Variants in CTNND2 observed in about 807,000 individuals in gnomAD.
CTNND2 encodes the protein catenin delta 2, also known as catenin delta-2.
In CTNND2, 22 loss-of-function variants were observed where a neutral mutation model predicts 144.4. The ratio of observed to expected loss-of-function variants is 0.15; its 90% CI spans 0.11 to 0.22. CTNND2 has a LOEUF of 0.22. Ranked by LOEUF, CTNND2 falls within the 10% of genes least tolerant of loss-of-function variation. The probability of loss-of-function intolerance (pLI) is 1.00; values close to 1 mark genes in which losing one functional copy is unlikely to be tolerated. For synonymous variants in CTNND2, 751 were observed against 695.6 expected (o/e 1.08, Z -1.25); for missense variants, 1,353 against 1,618.8 (o/e 0.84, Z 2.82).
intron 18 of CTNND2, among the ~76,000 whole-genome samples, chr5:11,004,592 T>C (rs1740285786): frequency 6.6e-6 from 1 of 152,002 alleles, no homozygotes. Context: ...GGAGAAACCC[T>C]GTCTCTACTA....
At chr5:11,634,131 A>G (rs912832019) in intron 2 of CTNND2, among the ~76,000 whole-genome samples, 6 of 152,168 alleles carry the variant, frequency 3.9e-5, no homozygotes, top group African/African-American at 1.2e-4. Flanking sequence ...TTTGGCCACA[A>G]TCAGTCAAGT....
chr5:11,065,313 T>C (rs1051228489), intron 16 of CTNND2, among the ~76,000 whole-genome samples: 1 of 152,270 alleles, frequency 6.6e-6, no homozygotes, highest in Non-Finnish European at 1.5e-5. Flanking sequence ...TACTTAGTTA[T>C]GCAATGCTCA....
chr5:11,586,626 A>G (rs1778881128), intron 2 of CTNND2, among the ~76,000 whole-genome samples: 1 of 152,236 alleles, frequency 6.6e-6, no homozygotes, highest in Admixed American at 6.5e-5. Flanking sequence ...TAAGAGTTGA[A>G]CCACATCTGG....
intron 2 of CTNND2, among the ~76,000 whole-genome samples, chr5:11,603,082 G>A (rs1779884488): frequency 6.6e-6 from 1 of 152,112 alleles, no homozygotes; most frequent in Admixed American, 6.6e-5. Flanking sequence ...GAGGCATTTA[G>A]GAGAGGGTAC....
At chr5:11,774,419 A>T (rs1244542661) in intron 1 of CTNND2, among the ~76,000 whole-genome samples, 1 of 71,974 alleles carries the variant, frequency 1.4e-5, no homozygotes, top group Non-Finnish European at 2.6e-5. Context: ...GGGAGGGGGG[A>T]GGGATAGCAC....
chr5:11,482,832 G>A (rs115751274), intron 3 of CTNND2, among the ~76,000 whole-genome samples: 2,136 of 152,228 alleles, frequency 0.014, 50 homozygotes, highest in African/African-American at 0.049. Context: ...GGAGACCAAG[G>A]GGCTGGTGCA....
At chr5:11,159,038 T>C (rs61753304) in intron 12 of CTNND2, among the ~76,000 whole-genome samples, 153 of 152,308 alleles carry the variant, frequency 1.0e-3, no homozygotes, top group Non-Finnish European at 1.8e-3. Context: ...TCACAAGACA[T>C]TTGCTACTTT....
chr5:11,030,754 G>GTTTTTTTTTTTTTTTTTTTTTTGT (rs61312361), intron 16 of CTNND2, among the ~76,000 whole-genome samples: 2 of 100,770 alleles, frequency 2.0e-5, no homozygotes, highest in African/African-American at 4.3e-5. Flanking sequence ...TATGGTTTCT[G>GTTTTTTTTTTTTTTTTTTTTTTGT]TTTTTTTTTT....
In CTNND2 at chr5:11,085,496, C is replaced by T. The variant is rs61755748; in HGVS notation, c.2638-2650G>A. Among the ~76,000 whole-genome samples the T allele has an allele frequency of 8.9e-3, 1,351 of 152,248 alleles. 17 individuals are homozygous for T. The highest frequency in any genetic ancestry group is 0.031 in the African/African-American group (1,304 of 41,532). On this transcript the variant is annotated intron_variant, in intron 15 of 21. Coordinates refer to ENST00000304623, the MANE Select transcript of CTNND2 (RefSeq NM_001332.4). Reference sequence around the variant, plus strand: ...TGTGTCAGGAAAGGATCCCTTCCTGCAGGTGATGGGACAAAGCTTTTGCAC... The same window carrying T: ...TGTGTCAGGAAAGGATCCCTTCCTGTAGGTGATGGGACAAAGCTTTTGCAC...
In CTNND2 at chr5:11,485,372, TGTGCGCGC is replaced by T. The variant is rs773998781; in HGVS notation, c.288-73311_288-73304del. On this transcript the variant is annotated intron_variant, in intron 3 of 21. Transcript: ENST00000304623. ...GTGTGTGTGTGTGTGTGTGTGTGTGTGTGCGCGCGCGCGCGTGCGCGCGCACATTCAAT... is the reference window on the plus strand; with the variant it reads ...GTGTGTGTGTGTGTGTGTGTGTGTGTGCGCGCGTGCGCGCGCACATTCAAT... Among the ~76,000 whole-genome samples the T allele has an allele frequency of 3.4e-3, 433 of 125,808 alleles. 3 individuals carry two copies. Among genetic ancestry groups the T allele is most frequent in the South Asian group, 2.9e-3 (10 of 3,412 alleles). The allele number at this position is 125,808 out of a possible 152,430, so 82.5% of individuals were successfully genotyped here.
At chr5:11,607,889 G>T (rs1411253458) in intron 2 of CTNND2, among the ~76,000 whole-genome samples, 2 of 152,148 alleles carry the variant, frequency 1.3e-5, no homozygotes, top group African/African-American at 4.8e-5. Context: ...CAAGGAATGT[G>T]TTTCACGTTG....
At chr5:11,737,569 C>A (rs60477427) in intron 1 of CTNND2, among the ~76,000 whole-genome samples, 45,944 of 152,020 alleles carry the variant, frequency 0.3, 10,511 homozygotes, top group African/African-American at 0.64. Context: ...TAAAACAACA[C>A]CACTAGCAGT....
chr5:11,884,788 C>T (rs1736394568), intron 1 of CTNND2, among the ~76,000 whole-genome samples: 1 of 152,106 alleles, frequency 6.6e-6, no homozygotes, highest in South Asian at 2.1e-4. Flanking sequence ...ATGATGTTAG[C>T]TGTGGGTTTG....
intron 2 of CTNND2, among the ~76,000 whole-genome samples, chr5:11,574,036 C>A (rs756316282): frequency 5.9e-5 from 9 of 152,038 alleles, no homozygotes; most frequent in Non-Finnish European, 1.2e-4. Context: ...ATGGGTGACT[C>A]TAAACTCTAT....
rs913129832 is a variant in CTNND2, at chr5:11,878,941, A to G, written c.37+24876T>C. On this transcript the variant is annotated intron_variant, in intron 1 of 21. Transcript: ENST00000304623. ...AACATTTTTCATTTCTGTGTCTGCA[A>G]TTGCACTGGAAGCTTTTACAGGGTT... is the stretch of plus-strand genomic sequence containing the variant. Among the ~76,000 whole-genome samples the G allele has an allele frequency of 5.9e-5, 9 of 152,262 alleles. No homozygotes were observed. The South Asian group carries it at 8.3e-4, about 14-fold the overall frequency.
At chr5:11,305,987 G>A (rs1750157304) in intron 9 of CTNND2, among the ~76,000 whole-genome samples, 1 of 152,222 alleles carries the variant, frequency 6.6e-6, no homozygotes, top group Admixed American at 6.5e-5. Flanking sequence ...TGGGACATGA[G>A]GGTAGGCACT....
rs61757501 is a variant in CTNND2 at position 11,499,754 on chromosome 5, C to T, written c.287+65190G>A. Among the ~76,000 whole-genome samples, 940 of 152,152 alleles carry T rather than the reference C, an allele frequency of 6.2e-3. 4 individuals carry two copies. The highest frequency in any genetic ancestry group is 0.017 in the African/African-American group (724 of 41,522). On this transcript the variant is annotated intron_variant, in intron 3 of 21. Transcript: ENST00000304623. ...TTTTTTACAGTTGGTTTGTTTAAGT[C>T]AGAATCCAAAAAATCTGTACATTTA...
chr5:11,267,312 G>T (rs1433238613), intron 9 of CTNND2, among the ~76,000 whole-genome samples: 5 of 152,182 alleles, frequency 3.3e-5, no homozygotes, highest in African/African-American at 4.8e-5. Context: ...GGGTGATTTG[G>T]CAATTGGGCT....
intron 3 of CTNND2, among the ~76,000 whole-genome samples, chr5:11,533,040 T>A (rs985197242): frequency 4.6e-5 from 7 of 152,206 alleles, no homozygotes; most frequent in African/African-American, 1.4e-4. Context: ...CAGCCACTAG[T>A]GTTCCCATGA....
Sources: allele counts gnomAD v4.1 joint callset (sites outside exome capture counted in the v4.1 genomes callset), GRCh38; gene constraint gnomAD v4.1.1; transcripts MANE v1.5; gene names NCBI Gene and HGNC (gene_info 2026-07-23, HGNC 2026-07-21).